KDELR2: variants seen among roughly 807,000 people sequenced by gnomAD.
KDELR2 encodes the protein ER lumen protein-retaining receptor 2.
In KDELR2, 15 loss-of-function variants were observed where a neutral mutation model predicts 23.9. That is an observed-to-expected ratio of 0.63 (90% confidence interval 0.42 to 0.97). The LOEUF (loss-of-function observed/expected upper bound fraction) is 0.97, where lower values mean the gene tolerates loss of function less well. Ranked by LOEUF, KDELR2 falls within the 50% of genes least tolerant of loss-of-function variation. The probability of loss-of-function intolerance (pLI) is 0.00; values close to 1 mark genes in which losing one functional copy is unlikely to be tolerated. For synonymous variants in KDELR2, 119 were observed against 106.2 expected (o/e 1.12, Z -0.74); for missense variants, 272 against 254.6 (o/e 1.07, Z -0.46).
chr7:6,484,145 A>G lies in KDELR2; in HGVS notation c.-88T>C. On this transcript the variant is annotated 5_prime_UTR_variant, in exon 1 of 5. Transcript: ENST00000258739. ...CGGCGGCCCCTGAGAGGAAGCGGCG[A>G]AGATGGCGAGATCGCCCGCGACGTG... The G allele has an allele frequency of 9.3e-7, 1 of 1,076,976 alleles. No homozygotes were observed. The highest frequency in any genetic ancestry group is 1.2e-6 in the Non-Finnish European group (1 of 846,932). 66.7% of individuals were successfully genotyped at this position (1,076,976 alleles called of 1,614,324 possible).
At chr7:6,471,994 G>A (rs548909484) in intron 2 of KDELR2, among the ~76,000 whole-genome samples, 4 of 151,830 alleles carry the variant, frequency 2.6e-5, no homozygotes, top group African/African-American at 4.8e-5. Context: ...TCCGCTTCCC[G>A]GGTTCAAGCA....
Position 6,483,969 on chromosome 7 carries a change from G to A in KDELR2, c.89C>T (p.Ala30Val). ...LLKIWKTRSC[A>V]GISGKSQLLF... Reference sequence around the variant, plus strand: ...CCGGGCCTTCCCCCGCCGCTCACCGGCGCAGGAGCGCGTCTTCCAGATCTT... The same window carrying A: ...CCGGGCCTTCCCCCGCCGCTCACCGACGCAGGAGCGCGTCTTCCAGATCTT... Residue 30 changes from alanine to valine, a missense_variant and splice_region_variant, in exon 1 of 5, where the codon GCC becomes GTC. Transcript: ENST00000258739. 1 of 1,528,324 alleles carries A rather than the reference G, an allele frequency of 6.5e-7. No homozygotes were observed. The highest frequency in any genetic ancestry group is 8.8e-7 in the Non-Finnish European group (1 of 1,135,680). 94.7% of individuals were successfully genotyped at this position (1,528,324 alleles called of 1,614,324 possible).
At chr7:6,477,377 G>C (rs949816384) in intron 1 of KDELR2, among the ~76,000 whole-genome samples, 2 of 152,186 alleles carry the variant, frequency 1.3e-5, no homozygotes, top group African/African-American at 4.8e-5. Flanking sequence ...AAGACAGAAG[G>C]GGGTGGGGCA....
Position 6,468,514 on chromosome 7 carries a change from C to CT in KDELR2, c.351+1081dup, listed in dbSNP as rs201111483. Among the ~76,000 whole-genome samples the CT allele has an allele frequency of 9.6e-3, 1,435 of 149,922 alleles. 31 individuals carry two copies. Among genetic ancestry groups the CT allele is most frequent in the African/African-American group, 0.033 (1,361 of 40,716 alleles). On this transcript the variant is annotated intron_variant, in intron 3 of 4. Coordinates refer to ENST00000258739, the MANE Select transcript of KDELR2 (RefSeq NM_006854.4). ...CAGCTAATTTTTGATTTTCTTTCTT[C>CT]TTTTTTTTTGAGACAGCGTCTCGCT...
intron 1 of KDELR2, among the ~76,000 whole-genome samples, chr7:6,478,332 G>C (rs1206743278): frequency 1.3e-5 from 2 of 151,782 alleles, no homozygotes; most frequent in Non-Finnish European, 2.9e-5. Context: ...TTTTTTTGTA[G>C]AGACAGGGTT....
chr7:6,473,723 GA>G (rs924416677), intron 2 of KDELR2, among the ~76,000 whole-genome samples: 1 of 152,106 alleles, frequency 6.6e-6, no homozygotes, highest in Non-Finnish European at 1.5e-5. Context: ...CAGTGGCAAA[GA>G]AAAAAGATAG....
rs7794519 is a variant in KDELR2, at chr7:6,478,035, G to C, written c.92-3751C>G. ...ATTTGATATTGTCAAATTTCTCCTA[G>C]AAAGGCTATGCCAATTTACGTATCT... On this transcript the variant is annotated intron_variant, in intron 1 of 4. Transcript: ENST00000258739. Among the ~76,000 whole-genome samples, 786 of 152,264 alleles carry C rather than the reference G, an allele frequency of 5.2e-3. 6 individuals carry two copies. The highest frequency in any genetic ancestry group is 0.017 in the African/African-American group (710 of 41,560).
At position 6,463,135 on chromosome 7, in the gene KDELR2, T is replaced by C. The variant is rs767339110; in HGVS notation, c.*6A>G. On this transcript the variant is annotated 3_prime_UTR_variant, in exon 5 of 5. Coordinates refer to ENST00000258739, the MANE Select transcript of KDELR2 (RefSeq NM_006854.4). ...AAGGACAGATGCTGGTGATGGTCTT[T>C]GGCACTTATGCTGGCAAACTGAGCT... The C allele has an allele frequency of 1.9e-6, 3 of 1,614,160 alleles. 1 individual carries two copies. Among genetic ancestry groups the C allele is most frequent in the African/African-American group, 2.7e-5 (2 of 75,048 alleles).
At position 6,463,920 on chromosome 7, in the gene KDELR2, G is replaced by C. The variant is rs577979496; in HGVS notation, c.605-745C>G. 4.9e-5 allele frequency among the ~76,000 whole-genome samples: 6 copies of C among 123,474 alleles called. No individual in the cohort carries two copies. The East Asian group carries it at 9.7e-4, about 20-fold the overall frequency. The allele number at this position is 123,474 out of a possible 152,430, so 81.0% of individuals were successfully genotyped here. On this transcript the variant is annotated intron_variant, in intron 4 of 4. Transcript: ENST00000258739. The stretch of plus-strand genomic sequence containing the variant: ...TAATAAAAATACAAAAATTAGGCTG[G>C]GCACAGTGGCTCATGCTTGTAATCC...
chr7:6,475,683 T>G (rs1785736109), intron 1 of KDELR2, among the ~76,000 whole-genome samples: 1 of 152,180 alleles, frequency 6.6e-6, no homozygotes, highest in Non-Finnish European at 1.5e-5. Context: ...GACATCTATA[T>G]TTGGCCAAAT....
chr7:6,475,318 A>G lies in KDELR2; in HGVS notation c.92-1034T>C, dbSNP rs137954819. 9.9e-4 allele frequency among the ~76,000 whole-genome samples: 150 copies of G among 152,226 alleles called. 3 individuals are homozygous for G. The highest frequency in any genetic ancestry group is 3.3e-3 in the African/African-American group (139 of 41,540). ...GGCACACACCTGTGGTCCCAGCTACATGGGAGGTTGAGGTGGGAGGATTGC... is the reference window on the plus strand; with the variant it reads ...GGCACACACCTGTGGTCCCAGCTACGTGGGAGGTTGAGGTGGGAGGATTGC... On this transcript the variant is annotated intron_variant, in intron 1 of 4. Coordinates refer to ENST00000258739, the MANE Select transcript of KDELR2 (RefSeq NM_006854.4).
chr7:6,474,854 C>G (rs1268426413), intron 1 of KDELR2, among the ~76,000 whole-genome samples: 2 of 152,102 alleles, frequency 1.3e-5, no homozygotes, highest in Non-Finnish European at 2.9e-5. Flanking sequence ...TTTTTGTTCA[C>G]CATGTTGCCC....
intron 3 of KDELR2, among the ~76,000 whole-genome samples, chr7:6,467,693 G>A (rs866403215): frequency 5.3e-5 from 8 of 152,080 alleles, no homozygotes; most frequent in Admixed American, 2.6e-4. Flanking sequence ...CCCAGGAGGC[G>A]GAGGTTGCAG....
At chr7:6,471,122 AT>A (rs370096994) in intron 2 of KDELR2, among the ~76,000 whole-genome samples, 36,585 of 87,504 alleles carry the variant, frequency 0.42, 6,338 homozygotes, top group African/African-American at 0.55. Context: ...CTCAAAAAAA[AT>A]AAAAAATAAA....
rs1373438478 is a variant in KDELR2, at chr7:6,474,303, A to G, written c.92-19T>C. 9 of 1,535,824 alleles carry G rather than the reference A, an allele frequency of 5.9e-6. No homozygotes were observed. Among genetic ancestry groups the G allele is most frequent in the Non-Finnish European group, 8.1e-6 (9 of 1,108,902 alleles). Reference sequence around the variant, plus strand: ...GAAATACCTAGAGAAACAGAAGGGAAGTATTAGAAGGGCCTGAAGAGCTTT... The same window carrying G: ...GAAATACCTAGAGAAACAGAAGGGAGGTATTAGAAGGGCCTGAAGAGCTTT... On this transcript the variant is annotated intron_variant, in intron 1 of 4. Coordinates refer to ENST00000258739, the MANE Select transcript of KDELR2 (RefSeq NM_006854.4).
chr7:6,463,207 A>C, intron 4 of KDELR2, 32 bp from the exon 5 acceptor site: 1 of 1,575,934 alleles, frequency 6.3e-7, no homozygotes, highest in Non-Finnish European at 8.7e-7. Flanking sequence ...AAGAAAACAA[A>C]AGGTTACTGA....
intron 1 of KDELR2, among the ~76,000 whole-genome samples, chr7:6,480,056 A>T (rs1469802641): frequency 6.6e-6 from 1 of 152,230 alleles, no homozygotes; most frequent in African/African-American, 2.4e-5. Flanking sequence ...TAGGATGAAA[A>T]GTTTACAACC....
At chr7:6,472,270 A>T (rs1785663010) in intron 2 of KDELR2, among the ~76,000 whole-genome samples, 1 of 152,190 alleles carries the variant, frequency 6.6e-6, no homozygotes. Flanking sequence ...GGCCAGCTCA[A>T]CATTAATAAA....
chr7:6,473,658 G>C (rs1292935170), intron 2 of KDELR2, among the ~76,000 whole-genome samples: 1 of 152,164 alleles, frequency 6.6e-6, no homozygotes. Context: ...GATCATTTAA[G>C]CACGGCAAAT....
Sources: gnomAD v4.1 joint callset for allele counts (sites outside exome capture counted in the v4.1 genomes callset) on GRCh38, gnomAD v4.1.1 for gene constraint, MANE v1.5 for transcripts, NCBI Gene and HGNC (gene_info 2026-07-23, HGNC 2026-07-21) for gene names.